ARL17B: variants seen among roughly 807,000 people sequenced by gnomAD.
ARL17B encodes ADP-ribosylation factor-like protein 17.
intron 4 of ARL17B, among the ~76,000 whole-genome samples, chr17:46,287,485 T>G (rs183607072): frequency 2.4e-4 from 37 of 152,378 alleles, no homozygotes; most frequent in Middle Eastern, 6.8e-3. Context: ...GTCAGCCAGG[T>G]GTAGAAGATA....
At chr17:46,289,181 A>G (rs1327535473) in intron 4 of ARL17B, among the ~76,000 whole-genome samples, 2 of 152,224 alleles carry the variant, frequency 1.3e-5, no homozygotes, top group African/African-American at 4.8e-5. Context: ...TATGACCAAG[A>G]GGGTTTCTTT....
intron 3 of ARL17B, among the ~76,000 whole-genome samples, chr17:46,305,120 C>T (rs1466079365): frequency 2.3e-5 from 2 of 86,608 alleles, no homozygotes; most frequent in East Asian, 3.2e-4. Context: ...CTGCCAGCCT[C>T]GGCCTCCGAA....
intron 4 of ARL17B, among the ~76,000 whole-genome samples, chr17:46,291,817 A>G (rs544862498): frequency 6.6e-6 from 1 of 151,914 alleles, no homozygotes; most frequent in Admixed American, 6.6e-5. Flanking sequence ...TTAGCCAGAG[A>G]TGGTGGCATG....
intron 4 of ARL17B, among the ~76,000 whole-genome samples, chr17:46,290,244 C>T (rs1305895992): frequency 6.6e-6 from 1 of 152,194 alleles, no homozygotes; most frequent in Non-Finnish European, 1.5e-5. Flanking sequence ...GTCCCCTGGC[C>T]TCAGCCTCGC....
intron 3 of ARL17B, among the ~76,000 whole-genome samples, chr17:46,326,809 A>G (rs1309918820): frequency 2.1e-5 from 1 of 46,862 alleles, no homozygotes; most frequent in Admixed American, 2.2e-4. Flanking sequence ...ATTCTTAATG[A>G]CCATGCTATA....
chr17:46,285,531 G>A (rs929922504), intron 4 of ARL17B, among the ~76,000 whole-genome samples: 2 of 152,148 alleles, frequency 1.3e-5, no homozygotes, highest in Non-Finnish European at 2.9e-5. Context: ...GTGAGCCCCC[G>A]TACCCAGCCA....
downstream of ARL17B, among the ~76,000 whole-genome samples, chr17:46,332,887 A>T: frequency 6.6e-6 from 1 of 151,296 alleles, no homozygotes; most frequent in Non-Finnish European, 1.5e-5. Context: ...AGTGAATCCC[A>T]CTAGACTATT....
At position 46,293,533 on chromosome 17, in the gene ARL17B, T is replaced by G. The variant is rs182463190; in HGVS notation, c.*21+5993A>C. On this transcript the variant is annotated intron_variant, in intron 4 of 4. Transcript: ENST00000570618. ...GTGGCAAGCAATGCATGACTGCATA[T>G]GAAAGCTCTTAAATAGAGATTGTTT... 5.5e-6 allele frequency: 2 copies of G among 366,904 alleles called. 1 individual carries two copies. Among genetic ancestry groups the G allele is most frequent in the East Asian group, 3.0e-4 (2 of 6,728 alleles). The allele number at this position is 366,904 out of a possible 1,614,324, so 22.7% of individuals were successfully genotyped here.
chr17:46,282,581 ATTTTT>A (rs66586772), intron 4 of ARL17B, among the ~76,000 whole-genome samples: 1 of 136,208 alleles, frequency 7.3e-6, no homozygotes, highest in Non-Finnish European at 1.6e-5. Context: ...AGCCTGGTTA[ATTTTT>A]TTTTTTTTTT....
At chr17:46,288,296 C>T (rs2049972237) in intron 4 of ARL17B, among the ~76,000 whole-genome samples, 1 of 150,490 alleles carries the variant, frequency 6.6e-6, no homozygotes, top group Admixed American at 6.6e-5. Flanking sequence ...TGTGCACCAC[C>T]AGGCCCGGCT....
chr17:46,279,572 G>T (rs1412586515), intron 4 of ARL17B, among the ~76,000 whole-genome samples: 1 of 149,788 alleles, frequency 6.7e-6, no homozygotes, highest in Non-Finnish European at 1.5e-5. Flanking sequence ...CATGAACATG[G>T]CTCACTGCAG....
At chr17:46,274,745 C>G (rs2049541141), downstream of ARL17B, 1 of 152,528 alleles carries the variant, frequency 6.6e-6, no homozygotes, top group African/African-American at 2.4e-5. Flanking sequence ...TGGAGTTATA[C>G]TTGACCCCAC....
intron 4 of ARL17B, among the ~76,000 whole-genome samples, chr17:46,277,653 CTTT>C (rs1555610981): frequency 7.3e-6 from 1 of 137,858 alleles, no homozygotes; most frequent in African/African-American, 2.6e-5. Context: ...TTCTTTCTTT[CTTT>C]TTTTTTTTTT....
chr17:46,314,534 G>C lies in ARL17B; in HGVS notation c.260-14869C>G, dbSNP rs769474832. Among the ~76,000 whole-genome samples, 5 of 78,446 alleles carry C rather than the reference G, an allele frequency of 6.4e-5. 1 individual carries two copies. The highest frequency in any genetic ancestry group is 1.6e-4 in the African/African-American group (5 of 30,802). 51.5% of individuals were successfully genotyped at this position (78,446 alleles called of 152,430 possible). A position where few individuals can be genotyped will look rare whatever the true frequency, so the allele number is the denominator to read the frequency against. ...TTCAGCACGTTTATCCGTTTATCAG[G>C]CTGCTCTCGAACTCCTAACCTCAGA... is the stretch of plus-strand genomic sequence containing the variant. On this transcript the variant is annotated intron_variant, in intron 3 of 4. Transcript: ENST00000434041.
intron 4 of ARL17B, among the ~76,000 whole-genome samples, chr17:46,291,128 A>C (rs895417954): frequency 6.6e-6 from 1 of 152,248 alleles, no homozygotes; most frequent in Non-Finnish European, 1.5e-5. Flanking sequence ...TTATAGAGAG[A>C]GACTGAACTT....
rs1162717536 is a variant in ARL17B, at chr17:46,292,813, G to A, written c.*21+6713C>T. 3 of 79,748 alleles carry A rather than the reference G, an allele frequency of 3.8e-5. 1 individual carries two copies. The highest frequency in any genetic ancestry group is 7.6e-5 in the Non-Finnish European group (2 of 26,464). 4.9% of individuals were successfully genotyped at this position (79,748 alleles called of 1,614,324 possible). ...CGTATCTTGGGTGGAATATTTTGCCGAAGATCTTTCTGTCAATCATTTACA... is the reference window on the plus strand; with the variant it reads ...CGTATCTTGGGTGGAATATTTTGCCAAAGATCTTTCTGTCAATCATTTACA... On this transcript the variant is annotated intron_variant, in intron 4 of 4. Coordinates refer to the ARL17B transcript ENST00000570618.
chr17:46,287,348 C>T (rs1472976140), intron 4 of ARL17B, among the ~76,000 whole-genome samples: 2 of 152,272 alleles, frequency 1.3e-5, no homozygotes, highest in Non-Finnish European at 2.9e-5. Flanking sequence ...CAAACCTATT[C>T]CACAGAAGCC....
chr17:46,287,003 C>T (rs2049938924), intron 4 of ARL17B, among the ~76,000 whole-genome samples: 1 of 152,208 alleles, frequency 6.6e-6, no homozygotes, highest in Non-Finnish European at 1.5e-5. Context: ...ATGTAATTGT[C>T]GTTTTGAGCT....
At chr17:46,287,892 A>G (rs960651372) in intron 4 of ARL17B, among the ~76,000 whole-genome samples, 4 of 152,236 alleles carry the variant, frequency 2.6e-5, no homozygotes, top group African/African-American at 9.6e-5. Context: ...GAAAAAGTAA[A>G]TGTAACAAAC....
Sources: allele counts gnomAD v4.1 joint callset (sites outside exome capture counted in the v4.1 genomes callset), GRCh38; gene constraint gnomAD v4.1.1; transcripts MANE v1.5; gene names NCBI Gene and HGNC (gene_info 2026-07-23, HGNC 2026-07-21).